The following PCDHGB2 variants were observed in gnomAD, a reference collection of about 807,000 sequenced individuals.
PCDHGB2 encodes protocadherin gamma subfamily B, 2, also known as protocadherin gamma-B2.
In PCDHGB2, 55 loss-of-function variants were observed where a neutral mutation model predicts 59.3. That is an observed-to-expected ratio of 0.93 (90% CI 0.75 to 1.16). The LOEUF (loss-of-function observed/expected upper bound fraction) is 1.16, where lower values mean the gene tolerates loss of function less well. PCDHGB2 is among the 50% of genes most tolerant of loss of function. The probability of loss-of-function intolerance (pLI) is 0.00; values close to 1 mark genes in which losing one functional copy is unlikely to be tolerated. For missense variants in PCDHGB2, 1,228 were observed against 1,198.5 expected, an observed-to-expected ratio of 1.02 and a Z score of -0.36; for synonymous variants, 516 against 512.0, an observed-to-expected ratio of 1.01 and a Z score of -0.11.
chr5:141,367,849 G>A (rs903459046), intron 1 of PCDHGB2: 3 of 152,008 alleles, frequency 2.0e-5, no homozygotes, highest in Admixed American at 1.3e-4. Flanking sequence ...TGCAATGTTA[G>A]CGTTTCTTTA....
intron 1 of PCDHGB2, chr5:141,393,324 C>T: frequency 6.2e-7 from 1 of 1,611,210 alleles, no homozygotes; most frequent in Admixed American, 1.7e-5. Context: ...CCAGAGCTAC[C>T]AGCTCAGCCC....
chr5:141,433,277 T>G, intron 1 of PCDHGB2: 1 of 1,231,982 alleles, frequency 8.1e-7, no homozygotes. Flanking sequence ...CACTGCAGCC[T>G]CAAACTCCTA....
At chr5:141,416,186 T>G (rs904230611) in intron 1 of PCDHGB2, 2 of 152,474 alleles carry the variant, frequency 1.3e-5, no homozygotes, top group African/African-American at 4.8e-5. Flanking sequence ...TTCATTAATA[T>G]TGAATTAACA....
In PCDHGB2 at chr5:141,361,888, G is replaced by A. The variant is rs201231976; in HGVS notation, c.1753G>A (p.Gly585Ser). 488 of 1,610,218 alleles carry A rather than the reference G, an allele frequency of 3.0e-4. 1 individual carries two copies. The African/African-American group carries it at 5.4e-3, about 18-fold the overall frequency. Residue 585 changes from glycine to serine, a missense_variant, in exon 1 of 4, where the codon GGC becomes AGC. Coordinates refer to ENST00000522605, the MANE Select transcript of PCDHGB2 (RefSeq NM_018923.3). ...TATGGTGCCACGCGCCGCAGAGCCC[G>A]GCTACCTGGTGACCAAGGTGGTGGC... ...FDMVPRAAEP[G>S]YLVTKVVAVD...
At chr5:141,428,020 C>T (rs1443722620) in intron 1 of PCDHGB2, 1 of 1,605,408 alleles carries the variant, frequency 6.2e-7, no homozygotes, top group Admixed American at 1.7e-5. Context: ...GTGCCACGCG[C>T]CGCAGAGTCC....
chr5:141,467,055 C>CTTTTT (rs1193465269), intron 1 of PCDHGB2, among the ~76,000 whole-genome samples: 1 of 134,496 alleles, frequency 7.4e-6, no homozygotes, highest in Non-Finnish European at 1.6e-5. Context: ...TCAATGTTTT[C>CTTTTT]TTTTTTTTTT....
At chr5:141,409,786 C>A in intron 1 of PCDHGB2, 11 of 1,612,124 alleles carry the variant, frequency 6.8e-6, no homozygotes, top group Non-Finnish European at 9.3e-6. Flanking sequence ...TGCGCGCCTT[C>A]GCGCTCACGC....
At chr5:141,509,275 G>A (rs185255724) in intron 3 of PCDHGB2, among the ~76,000 whole-genome samples, 1 of 152,096 alleles carries the variant, frequency 6.6e-6, no homozygotes, top group East Asian at 1.9e-4. Flanking sequence ...CTCGCTACCC[G>A]CTCCCAGGGT....
rs994740663 is a variant in PCDHGB2, at chr5:141,477,022, G to T, written c.2422-17785G>T. ...TATTCGCCTTAGACCTTGTAACCGG[G>T]ATGCTGACAATCAAGGGTCGGCTGG... On this transcript the variant is annotated intron_variant, in intron 1 of 3. Transcript: ENST00000522605. The surrounding 1 kb of genome is among the most constrained non-coding windows in gnomAD (Gnocchi z 4.9). 6.2e-7 allele frequency: 1 copy of T among 1,614,240 alleles called. No homozygotes were observed. Among genetic ancestry groups the T allele is most frequent in the African/African-American group, 1.3e-5 (1 of 75,074 alleles).
At chr5:141,415,982 T>G in intron 1 of PCDHGB2, 1 of 342,492 alleles carries the variant, frequency 2.9e-6, no homozygotes, top group Non-Finnish European at 4.9e-6. Flanking sequence ...AGCAACCCTC[T>G]TGTTCTGAAG....
chr5:141,490,488 C>A lies in PCDHGB2; in HGVS notation c.2422-4319C>A, dbSNP rs142637733. 6.2e-7 allele frequency: 1 copy of A among 1,614,018 alleles called. No homozygotes were observed. Among genetic ancestry groups the A allele is most frequent in the African/African-American group, 1.3e-5 (1 of 74,904 alleles). ...CCAGCCAGCCTTTGGACCGGGAGGC[C>A]ACATCCCACTATATCATCGAGCTGC... On this transcript the variant is annotated intron_variant, in intron 1 of 3. Coordinates refer to ENST00000522605, the MANE Select transcript of PCDHGB2 (RefSeq NM_018923.3). The surrounding 1 kb of genome is among the most constrained non-coding windows in gnomAD (Gnocchi z 5.4).
intron 1 of PCDHGB2, chr5:141,412,841 G>A (rs1285924844): frequency 4.9e-6 from 1 of 206,050 alleles, no homozygotes; most frequent in Non-Finnish European, 9.6e-6. Flanking sequence ...AAAGATAGGA[G>A]TGGAGAAACC....
chr5:141,421,312 GC>G, intron 1 of PCDHGB2: 1 of 1,613,748 alleles, frequency 6.2e-7, no homozygotes, highest in Non-Finnish European at 8.5e-7. Flanking sequence ...GGGGTTCCGG[GC>G]CAGGCAGATC....
intron 1 of PCDHGB2, chr5:141,414,054 G>T: frequency 6.2e-7 from 1 of 1,610,250 alleles, no homozygotes; most frequent in South Asian, 1.1e-5. Context: ...ACACGCAATT[G>T]TTGAAGTTCC....
At chr5:141,391,618 TA>T (rs2092399304) in intron 1 of PCDHGB2, 3 of 152,366 alleles carry the variant, frequency 2.0e-5, no homozygotes, top group African/African-American at 7.2e-5. Flanking sequence ...TGAGTGGTTT[TA>T]AGAAAGTTTT....
rs1446853595 is a variant in PCDHGB2, at chr5:141,491,363, C to T, written c.2422-3444C>T. ...ACCGTCAGTCTCTTATCCCTAGTCA[C>T]CTTCACCTTTCTGTCAGCGAAGTGC... On this transcript the variant is annotated intron_variant, in intron 1 of 3. Coordinates refer to ENST00000522605, the MANE Select transcript of PCDHGB2 (RefSeq NM_018923.3). This position sits in a 1 kb window ranked among gnomAD's most constrained non-coding sequence, Gnocchi z 6.9. The T allele has an allele frequency of 6.2e-7, 1 of 1,614,182 alleles. No individual in the cohort carries two copies. Among genetic ancestry groups the T allele is most frequent in the South Asian group, 1.1e-5 (1 of 91,082 alleles).
chr5:141,499,047 GA>G (rs2099789201), intron 2 of PCDHGB2, among the ~76,000 whole-genome samples: 1 of 151,580 alleles, frequency 6.6e-6, no homozygotes, highest in South Asian at 2.1e-4. Flanking sequence ...GAAAAAGGGA[GA>G]AAAAATGAAG....
At chr5:141,460,829 A>C (rs1242954704) in intron 1 of PCDHGB2, among the ~76,000 whole-genome samples, 1 of 151,944 alleles carries the variant, frequency 6.6e-6, no homozygotes, top group African/African-American at 2.4e-5. Flanking sequence ...ATACACACTT[A>C]AAGTAATGGC....
chr5:141,464,824 G>A (rs1329087889), intron 1 of PCDHGB2, among the ~76,000 whole-genome samples: 2 of 151,816 alleles, frequency 1.3e-5, no homozygotes, highest in African/African-American at 2.4e-5. Context: ...CTGTAGCCTC[G>A]CACTCCTGGG....
Sources: allele counts gnomAD v4.1 joint callset (sites outside exome capture counted in the v4.1 genomes callset), GRCh38; gene constraint gnomAD v4.1.1; non-coding constraint Gnocchi (gnomAD v3.1); transcripts MANE v1.5; gene names NCBI Gene and HGNC (gene_info 2026-07-23, HGNC 2026-07-21).